SFMBT2: variants seen among roughly 807,000 people sequenced by gnomAD.
SFMBT2 encodes scm-like with four MBT domains protein 2.
A neutral mutation model predicts 110.1 loss-of-function variants in SFMBT2; 38 were observed. The observed-to-expected ratio is 0.35, with a 90% CI of 0.27 to 0.45. The LOEUF (loss-of-function observed/expected upper bound fraction) is 0.45, where lower values mean the gene tolerates loss of function less well. Among genes scored for constraint, SFMBT2 ranks in the 20% least tolerant of loss-of-function variants. The probability of loss-of-function intolerance (pLI) is 1.00; values close to 1 mark genes in which losing one functional copy is unlikely to be tolerated. For missense variants in SFMBT2, 1,011 were observed against 1,094.9 expected (o/e 0.92, Z 1.08); for synonymous variants, 425 against 425.4 (o/e 1.00, Z 0.01).
chr10:7,331,641 G>A (rs1239952917), intron 4 of SFMBT2, among the ~76,000 whole-genome samples: 1 of 152,044 alleles, frequency 6.6e-6, no homozygotes, highest in Admixed American at 6.6e-5. Context: ...CCCCAACACT[G>A]AGAACTTGCA....
intron 1 of SFMBT2, among the ~76,000 whole-genome samples, chr10:7,396,942 T>G (rs982416606): frequency 6.7e-6 from 1 of 149,092 alleles, no homozygotes; most frequent in Non-Finnish European, 1.5e-5. Context: ...CATTAGGAGA[T>G]ATACCTAATG....
chr10:7,274,958 C>T (rs1841722443), intron 7 of SFMBT2, among the ~76,000 whole-genome samples: 1 of 152,226 alleles, frequency 6.6e-6, no homozygotes, highest in South Asian at 2.1e-4. Context: ...AGCTTTCTTC[C>T]CTCTTCAGAG....
intron 9 of SFMBT2, among the ~76,000 whole-genome samples, chr10:7,228,699 CTTT>C (rs1839980489): frequency 7.6e-6 from 1 of 132,222 alleles, no homozygotes; most frequent in Non-Finnish European, 1.6e-5. Flanking sequence ...TTCTTTCTTT[CTTT>C]CTTTCTTTCT....
At chr10:7,246,610 T>G (rs529170857) in intron 8 of SFMBT2, among the ~76,000 whole-genome samples, 1 of 148,378 alleles carries the variant, frequency 6.7e-6, no homozygotes, top group Admixed American at 6.9e-5. Flanking sequence ...TCCCAGCTAC[T>G]CGGGAGGCTG....
chr10:7,271,472 C>T (rs535514448), intron 7 of SFMBT2, among the ~76,000 whole-genome samples: 7 of 151,982 alleles, frequency 4.6e-5, no homozygotes, highest in East Asian at 3.9e-4. Context: ...AAAAAGAGGC[C>T]GGTATTATAC....
intron 20 of SFMBT2, among the ~76,000 whole-genome samples, chr10:7,165,250 A>C (rs1382718310): frequency 2.6e-5 from 4 of 152,220 alleles, no homozygotes; most frequent in Non-Finnish European, 5.9e-5. Flanking sequence ...GGCTGCCATA[A>C]GCCACAAGGA....
intron 4 of SFMBT2, among the ~76,000 whole-genome samples, chr10:7,340,047 T>C (rs1843841785): frequency 6.6e-6 from 1 of 152,206 alleles, no homozygotes; most frequent in Middle Eastern, 3.2e-3. Flanking sequence ...GTGAAAGCCA[T>C]GCAGGTTCCT....
intron 4 of SFMBT2, among the ~76,000 whole-genome samples, chr10:7,315,026 GAAAGAA>G (rs1564435311): frequency 4.6e-4 from 62 of 134,056 alleles, no homozygotes; most frequent in African/African-American, 1.5e-3. Flanking sequence ...AAAAGAGAGA[GAAAGAA>G]AGAAAGAGAA....
chr10:7,302,945 T>G (rs540712566), intron 4 of SFMBT2, among the ~76,000 whole-genome samples: 2 of 151,544 alleles, frequency 1.3e-5, no homozygotes, highest in East Asian at 1.9e-4. Context: ...ATTCTTCAAA[T>G]AGACAAATCA....
At chr10:7,323,884 G>T (rs1421456050) in intron 4 of SFMBT2, among the ~76,000 whole-genome samples, 1 of 152,158 alleles carries the variant, frequency 6.6e-6, no homozygotes, top group African/African-American at 2.4e-5. Context: ...TAGAGTTATA[G>T]AGACAGAGAC....
chr10:7,290,207 T>A (rs1193370478), intron 4 of SFMBT2, among the ~76,000 whole-genome samples: 1 of 151,032 alleles, frequency 6.6e-6, no homozygotes, highest in Non-Finnish European at 1.5e-5. Context: ...AACTTGGTAA[T>A]CATCGCTCAT....
At chr10:7,190,885 C>T (rs943798854) in intron 15 of SFMBT2, among the ~76,000 whole-genome samples, 1 of 152,164 alleles carries the variant, frequency 6.6e-6, no homozygotes, top group African/African-American at 2.4e-5. Context: ...TGGGAGGAAC[C>T]TTGTGGGAGG....
chr10:7,190,867 AT>A lies in SFMBT2; in HGVS notation c.1699-2135del, dbSNP rs201786776. On this transcript the variant is annotated intron_variant, in intron 15 of 20. Coordinates refer to ENST00000397167, the MANE Select transcript of SFMBT2 (RefSeq NM_001387889.1). Reference sequence around the variant, plus strand: ...TTGAATTGTAGCTCCCATAATTCCCATGTGTTGTGGGAGGAACCTTGTGGGA... The same window carrying A: ...TTGAATTGTAGCTCCCATAATTCCCAGTGTTGTGGGAGGAACCTTGTGGGA... 8.7e-3 allele frequency among the ~76,000 whole-genome samples: 1,326 copies of A among 152,248 alleles called. 26 individuals carry two copies. Among genetic ancestry groups the A allele is most frequent in the African/African-American group, 0.03 (1,241 of 41,534 alleles).
In SFMBT2 at chr10:7,284,007, C is replaced by T. The variant is rs1297193363; in HGVS notation, c.669G>A (p.Leu223=). Residue 223 remains leucine (L), a synonymous_variant, in exon 6 of 21, where the codon TTG becomes TTA. Coordinates refer to ENST00000397167, the MANE Select transcript of SFMBT2 (RefSeq NM_001387889.1). ...ACTGGTCATAGGATTCAGTGTCCTC[C>T]AATCCCACATAGCGAAGGCGTAATC... The part of the protein sequence containing the change: ...GGRLRLRYVG[L]EDTESYDQWL... 1.2e-6 allele frequency: 2 copies of T among 1,612,548 alleles called. No individual in the cohort carries two copies. Among genetic ancestry groups the T allele is most frequent in the South Asian group, 1.1e-5 (1 of 91,062 alleles).
intron 15 of SFMBT2, among the ~76,000 whole-genome samples, chr10:7,194,296 C>G (rs967553481): frequency 6.6e-6 from 1 of 152,194 alleles, no homozygotes; most frequent in Non-Finnish European, 1.5e-5. Flanking sequence ...CCACTCAACT[C>G]TAACACCCAT....
At position 7,385,737 on chromosome 10, in the gene SFMBT2, C is replaced by T. The variant is rs188513388; in HGVS notation, c.-51-3788G>A. On this transcript the variant is annotated intron_variant, in intron 1 of 20. Transcript: ENST00000397167. The stretch of plus-strand genomic sequence containing the variant: ...TCTCCTGGCCAGGCACAGTGGCTCA[C>T]GCCTGTAATCCCAGCACTTTGGGAG... Among the ~76,000 whole-genome samples the T allele has an allele frequency of 6.6e-3, 1,001 of 152,218 alleles. 4 individuals are homozygous for T. Among genetic ancestry groups the T allele is most frequent in the Non-Finnish European group, 0.011 (733 of 68,012 alleles).
chr10:7,207,069 T>C (rs1369614276), intron 11 of SFMBT2: 1 of 230,510 alleles, frequency 4.3e-6, no homozygotes, highest in Non-Finnish European at 7.1e-6. Context: ...CTACAAAAAA[T>C]ACAAAATTAG....
intron 7 of SFMBT2, among the ~76,000 whole-genome samples, chr10:7,253,898 G>A (rs556194481): frequency 9.3e-5 from 14 of 150,140 alleles, no homozygotes; most frequent in Admixed American, 4.6e-4. Flanking sequence ...TCAACGTAAC[G>A]GAAATTGAGA....
chr10:7,273,397 A>C (rs569922265), intron 7 of SFMBT2, among the ~76,000 whole-genome samples: 1 of 152,360 alleles, frequency 6.6e-6, no homozygotes, highest in East Asian at 1.9e-4. Flanking sequence ...GAAACAGTGA[A>C]CTTCAGCCTG....
Sources: allele counts gnomAD v4.1 joint callset (sites outside exome capture counted in the v4.1 genomes callset), GRCh38; gene constraint gnomAD v4.1.1; transcripts MANE v1.5; gene names NCBI Gene and HGNC (gene_info 2026-07-23, HGNC 2026-07-21).